Variants in ANKRD36B observed in about 807,000 individuals in gnomAD.
The protein encoded by ANKRD36B is ankyrin repeat domain-containing protein 36B.
A neutral mutation model predicts 135.7 loss-of-function variants in ANKRD36B; 37 were observed. The observed-to-expected ratio is 0.27, with a 90% CI of 0.21 to 0.36. ANKRD36B has a LOEUF of 0.36. Among genes scored for constraint, ANKRD36B ranks in the 10% least tolerant of loss-of-function variants. ANKRD36B has a pLI of 1.00. For synonymous variants in ANKRD36B, 179 were observed against 348.1 expected (o/e 0.51, Z 5.41); for missense variants, 549 against 1,037.1 (o/e 0.53, Z 6.46).
At chr2:97,572,259 G>A (rs2081928662) in intron 6 of ANKRD36B, among the ~76,000 whole-genome samples, 1 of 145,504 alleles carries the variant, frequency 6.9e-6, no homozygotes, top group African/African-American at 2.5e-5. Context: ...TCCAGCCTGG[G>A]AAACAGCAAA....
intron 3 of ANKRD36B, 49 bp from the exon 4 acceptor site, chr2:97,580,617 A>G: frequency 1.3e-6 from 2 of 1,491,038 alleles, no homozygotes; most frequent in Non-Finnish European, 9.1e-7. Context: ...CATATTTATC[A>G]ACTGAAATGA....
At chr2:97,555,351 C>T (rs1360896104) in intron 12 of ANKRD36B, 97 bp from the exon 13 acceptor site, 8 of 1,540,650 alleles carry the variant, frequency 5.2e-6, no homozygotes, top group African/African-American at 1.4e-5. Context: ...ATCTTCCTGC[C>T]TGTATTAGTA....
chr2:97,536,855 A>G lies in ANKRD36B; in HGVS notation c.2090-359T>C, dbSNP rs189323414. Among the ~76,000 whole-genome samples, 2 of 97,284 alleles carry G rather than the reference A, an allele frequency of 2.1e-5. 1 individual carries two copies. The highest frequency in any genetic ancestry group is 5.5e-5 in the Non-Finnish European group (2 of 36,460). 63.8% of individuals were successfully genotyped at this position (97,284 alleles called of 152,430 possible). The stretch of plus-strand genomic sequence containing the variant: ...GTAAAAGCTGGTGCTAACTGCGACT[A>G]CATGACTTTCATACAAGACATCAGA... On this transcript the variant is annotated intron_variant, in intron 32 of 43. Coordinates refer to ENST00000359901, the MANE Select transcript of ANKRD36B (RefSeq NM_001393939.1).
rs1814505 is a variant in ANKRD36B, at chr2:97,589,830, G to A, written c.-145C>T. The A allele has an allele frequency of 0.59, 711,497 of 1,201,844 alleles. 222,222 individuals carry two copies. Among genetic ancestry groups the A allele is most frequent in the Non-Finnish European group, 0.65 (557,111 of 853,194 alleles). 74.4% of individuals were successfully genotyped at this position (1,201,844 alleles called of 1,614,324 possible). A position where few individuals can be genotyped will look rare whatever the true frequency, so the allele number is the denominator to read the frequency against. ...AAGCAGTCTGTGCACGGACCTCCGC[G>A]CAGACTCTCAGCGCCTCCCGCCTCT... On this transcript the variant is annotated 5_prime_UTR_variant, in exon 1 of 44. Coordinates refer to ENST00000359901, the MANE Select transcript of ANKRD36B (RefSeq NM_001393939.1).
At position 97,557,061 on chromosome 2, in the gene ANKRD36B, C is replaced by G. The variant is rs1185005253; in HGVS notation, c.996+43G>C. On this transcript the variant is annotated intron_variant, in intron 11 of 43. Transcript: ENST00000359901. ...CAATACATAATATATATTTCATAGG[C>G]TATGCAATAAATAATTCAAAATATA... is the stretch of plus-strand genomic sequence containing the variant. 5.2e-6 allele frequency: 8 copies of G among 1,545,912 alleles called. No individual in the cohort carries two copies. The Admixed American group carries it at 1.4e-4, about 27-fold the overall frequency.
At chr2:97,538,024 T>G in intron 32 of ANKRD36B, 144 bp downstream of exon 32, 1 of 429,646 alleles carries the variant, frequency 2.3e-6, no homozygotes, top group South Asian at 1.8e-5. Flanking sequence ...CAACAACACC[T>G]GACAACTCAG....
At chr2:97,584,593 A>C (rs2082845632) in intron 3 of ANKRD36B, among the ~76,000 whole-genome samples, 1 of 149,196 alleles carries the variant, frequency 6.7e-6, no homozygotes, top group Non-Finnish European at 1.5e-5. Context: ...TTTATAAGGG[A>C]CAATTTTACT....
intron 35 of ANKRD36B, among the ~76,000 whole-genome samples, chr2:97,529,306 A>G (rs2104435721): frequency 1.0e-5 from 1 of 96,350 alleles, no homozygotes; most frequent in East Asian, 2.3e-4. Flanking sequence ...CAAAAACCAC[A>G]TGATTATCTC....
intron 34 of ANKRD36B, among the ~76,000 whole-genome samples, chr2:97,535,087 G>A (rs2078793923): frequency 1.0e-5 from 1 of 96,206 alleles, no homozygotes; most frequent in South Asian, 2.4e-4. Context: ...GCCTTCACAT[G>A]TTGTCAGTCC....
At chr2:97,521,627 G>A (rs1490173907) in intron 36 of ANKRD36B, among the ~76,000 whole-genome samples, 1 of 95,078 alleles carries the variant, frequency 1.1e-5, no homozygotes, top group East Asian at 2.3e-4. Context: ...GTCTATGTTG[G>A]CAATCAAAAA....
At position 97,580,349 on chromosome 2, in the gene ANKRD36B, G is replaced by C. The variant is rs56388373; in HGVS notation, c.557+113C>G. The C allele has an allele frequency of 4.4e-6, 4 of 908,388 alleles. No homozygotes were observed. In the East Asian group the frequency reaches 9.0e-5, roughly 20 times the overall value. The allele number at this position is 908,388 out of a possible 1,614,324, so 56.3% of individuals were successfully genotyped here. A position where few individuals can be genotyped will look rare whatever the true frequency, so the allele number is the denominator to read the frequency against. On this transcript the variant is annotated intron_variant, in intron 4 of 43. Coordinates refer to ENST00000359901, the MANE Select transcript of ANKRD36B (RefSeq NM_001393939.1). Reference sequence around the variant, plus strand: ...TGTTGATATTTCTCACTATATCCCAGTAATTAAAAGTTAGTCTTCTTACTA... The same window carrying C: ...TGTTGATATTTCTCACTATATCCCACTAATTAAAAGTTAGTCTTCTTACTA...
In ANKRD36B at chr2:97,551,472, G is replaced by C; in HGVS notation, c.1282C>G (p.Gln428Glu). The change falls in exon 17 of 44, where the codon CAG becomes GAG. Residue 428 changes from glutamine (Q) to glutamate (E), a missense_variant. Gln to Glu is a conservative substitution (Grantham distance 29). Transcript: ENST00000359901. ...DGEKSGTVSS[Q>E]KKPALKATSD... ...ATTACCTTCAAGGCTGGTTTTTTCTGAGAAGACACTGAAAAGCAAAAGGGA... is the reference window on the plus strand; with the variant it reads ...ATTACCTTCAAGGCTGGTTTTTTCTCAGAAGACACTGAAAAGCAAAAGGGA... The C allele has an allele frequency of 6.2e-7, 1 of 1,607,506 alleles. No individual in the cohort carries two copies. Among genetic ancestry groups the C allele is most frequent in the South Asian group, 1.1e-5 (1 of 90,948 alleles).
At chr2:97,581,929 C>T (rs987610734) in intron 3 of ANKRD36B, among the ~76,000 whole-genome samples, 6 of 151,540 alleles carry the variant, frequency 4.0e-5, no homozygotes, top group Non-Finnish European at 5.9e-5. Context: ...CTGCCTCAGC[C>T]TCCCGAGTAG....
intron 34 of ANKRD36B, among the ~76,000 whole-genome samples, chr2:97,535,556 T>C (rs988313496): frequency 8.6e-6 from 1 of 116,592 alleles, no homozygotes; most frequent in Non-Finnish European, 2.2e-5. Context: ...ATAATAAGTG[T>C]AACAAAATTG....
chr2:97,551,399 G>A, intron 17 of ANKRD36B, 38 bp from the exon 18 acceptor site: 2 of 1,604,892 alleles, frequency 1.2e-6, no homozygotes, highest in Non-Finnish European at 1.7e-6. Context: ...AATAAGGTAT[G>A]TTTCATAGGC....
Position 97,545,863 on chromosome 2 carries a change from T to C in ANKRD36B, c.1580-2A>G. Reference sequence around the variant, plus strand: ...AGGATGGTTGTTTATGAGAAGACACTGAAAAGCAAAAGGGATACATAATCA... The same window carrying C: ...AGGATGGTTGTTTATGAGAAGACACCGAAAAGCAAAAGGGATACATAATCA... On this transcript the variant is annotated splice_acceptor_variant, in intron 22 of 43. Coordinates refer to ENST00000359901, the MANE Select transcript of ANKRD36B (RefSeq NM_001393939.1). LOFTEE classifies it high-confidence loss of function. 1.0e-6 allele frequency: 1 copy of C among 953,568 alleles called. No individual in the cohort carries two copies. 59.1% of individuals were successfully genotyped at this position (953,568 alleles called of 1,614,324 possible).
chr2:97,546,077 G>A (rs555005989), intron 22 of ANKRD36B, among the ~76,000 whole-genome samples: 8 of 151,620 alleles, frequency 5.3e-5, no homozygotes, highest in Non-Finnish European at 1.0e-4. Flanking sequence ...TTTCAAACAT[G>A]GTATGATTTG....
chr2:97,550,140 T>A (rs1240960855), intron 18 of ANKRD36B, among the ~76,000 whole-genome samples: 2 of 151,080 alleles, frequency 1.3e-5, no homozygotes, highest in African/African-American at 2.4e-5. Flanking sequence ...CCTGAATTGA[T>A]CACCTTGGAC....
intron 30 of ANKRD36B, chr2:97,539,711 C>T (rs544816578): frequency 3.2e-5 from 5 of 156,190 alleles, no homozygotes; most frequent in South Asian, 2.6e-4. Flanking sequence ...TACTTCATCT[C>T]TATCTCCTAC....
Sources: gnomAD v4.1 joint callset for allele counts (sites outside exome capture counted in the v4.1 genomes callset) on GRCh38, gnomAD v4.1.1 for gene constraint, MANE v1.5 for transcripts, NCBI Gene and HGNC (gene_info 2026-07-23, HGNC 2026-07-21) for gene names.